RBFOX3: variants seen among roughly 807,000 people sequenced by gnomAD.
RBFOX3 encodes the protein RNA binding fox-1 homolog 3, also known as RNA binding protein fox-1 homolog 3.
RBFOX3 carries 17 observed loss-of-function variants against 48.7 expected under a neutral mutation model. The observed-to-expected ratio is 0.35, with a 90% CI of 0.24 to 0.52. RBFOX3 has a LOEUF of 0.52. Ranked by LOEUF, RBFOX3 falls within the 20% of genes least tolerant of loss-of-function variation. The probability of loss-of-function intolerance (pLI) is 0.94; values close to 1 mark genes in which losing one functional copy is unlikely to be tolerated. For synonymous variants in RBFOX3, 212 were observed against 209.5 expected, an observed-to-expected ratio of 1.01 and a Z score of -0.10; for missense variants, 382 against 497.5, an observed-to-expected ratio of 0.77 and a Z score of 2.21.
At chr17:79,160,780 G>A (rs1446512879) in intron 4 of RBFOX3, among the ~76,000 whole-genome samples, 1 of 152,094 alleles carries the variant, frequency 6.6e-6, no homozygotes, top group Admixed American at 6.5e-5. Flanking sequence ...AGGAGTTCGA[G>A]ACCAGCCTGG....
At chr17:79,512,839 C>T (rs1202946289) in intron 1 of RBFOX3, among the ~76,000 whole-genome samples, 41 of 145,652 alleles carry the variant, frequency 2.8e-4, no homozygotes, top group African/African-American at 7.5e-4. Context: ...GTGTTACCAT[C>T]GGCTACGGCC....
At chr17:79,536,876 G>C (rs2088859221) in intron 1 of RBFOX3, among the ~76,000 whole-genome samples, 1 of 152,284 alleles carries the variant, frequency 6.6e-6, no homozygotes, top group East Asian at 1.9e-4. Context: ...ACAAGGTCAG[G>C]AGATCGAGAC....
At chr17:79,180,359 C>T (rs1302112675) in intron 4 of RBFOX3, among the ~76,000 whole-genome samples, 1 of 152,250 alleles carries the variant, frequency 6.6e-6, no homozygotes, top group Admixed American at 6.5e-5. Context: ...TGTTTAAATG[C>T]TGCATCTTAA....
chr17:79,525,093 C>A (rs1309751894), intron 1 of RBFOX3, among the ~76,000 whole-genome samples: 1 of 152,204 alleles, frequency 6.6e-6, no homozygotes, highest in African/African-American at 2.4e-5. Context: ...CCCAACCTTT[C>A]GGGGTGCCCT....
At chr17:79,559,016 C>G (rs1003638204) in intron 1 of RBFOX3, among the ~76,000 whole-genome samples, 35 of 152,176 alleles carry the variant, frequency 2.3e-4, no homozygotes, top group African/African-American at 7.9e-4. Flanking sequence ...CCTGAGAGTC[C>G]CCACCAGGAG....
Position 79,477,554 on chromosome 17 carries a change from ACCGG to A in RBFOX3, c.-175+4896_-175+4899del, listed in dbSNP as rs1311710073. Reference sequence around the variant, plus strand: ...CTGGGCGACAGAGCGAAACTCCGTCACCGGAAAAAAAAAAAGAGGAGGAGGAGTA... The same window carrying A: ...CTGGGCGACAGAGCGAAACTCCGTCAAAAAAAAAAAAGAGGAGGAGGAGTA... On this transcript the variant is annotated intron_variant, in intron 2 of 14. Coordinates refer to ENST00000693108, the MANE Select transcript of RBFOX3 (RefSeq NM_001350451.2). The surrounding 1 kb of genome is among the most constrained non-coding windows in gnomAD (Gnocchi z 4.8). Among the ~76,000 whole-genome samples, 2 of 141,582 alleles carry A rather than the reference ACCGG, an allele frequency of 1.4e-5. No individual in the cohort carries two copies. The highest frequency in any genetic ancestry group is 3.0e-5 in the Non-Finnish European group (2 of 65,814). The allele number at this position is 141,582 out of a possible 152,430, so 92.9% of individuals were successfully genotyped here. A position where few individuals can be genotyped will look rare whatever the true frequency, so the allele number is the denominator to read the frequency against.
chr17:79,164,713 G>A (rs944320208), intron 4 of RBFOX3, among the ~76,000 whole-genome samples: 1 of 152,178 alleles, frequency 6.6e-6, no homozygotes, highest in Non-Finnish European at 1.5e-5. Flanking sequence ...GGAAGGCCGG[G>A]GGTCCAGGCA....
chr17:79,473,203 T>A lies in RBFOX3; in HGVS notation c.-175+9251A>T, dbSNP rs1258974099. On this transcript the variant is annotated intron_variant, in intron 2 of 14. Coordinates refer to ENST00000693108, the MANE Select transcript of RBFOX3 (RefSeq NM_001350451.2). This position sits in a 1 kb window ranked among gnomAD's most constrained non-coding sequence, Gnocchi z 4.2. Reference sequence around the variant, plus strand: ...CAGCTTCTGTACTCAGTTGCAGGGATCAGGAGCAGCACCTCACGGGCTGGC... The same window carrying A: ...CAGCTTCTGTACTCAGTTGCAGGGAACAGGAGCAGCACCTCACGGGCTGGC... Among the ~76,000 whole-genome samples, 1 of 152,248 alleles carries A rather than the reference T, an allele frequency of 6.6e-6. No homozygotes were observed. The highest frequency in any genetic ancestry group is 1.5e-5 in the Non-Finnish European group (1 of 68,042).
Position 79,364,828 on chromosome 17 carries a change from G to T in RBFOX3, c.-174-57004C>A, listed in dbSNP as rs1400690990. Reference sequence around the variant, plus strand: ...GCCCACGCATGTGGCCTTACCTACAGCCTGGGTTGCTCCCTCAGCTGGAGA... The same window carrying T: ...GCCCACGCATGTGGCCTTACCTACATCCTGGGTTGCTCCCTCAGCTGGAGA... On this transcript the variant is annotated intron_variant, in intron 2 of 14. Transcript: ENST00000693108. This position sits in a 1 kb window ranked among gnomAD's most constrained non-coding sequence, Gnocchi z 5.1. Among the ~76,000 whole-genome samples the T allele has an allele frequency of 3.3e-5, 5 of 152,190 alleles. No homozygotes were observed. The highest frequency in any genetic ancestry group is 1.2e-4 in the African/African-American group (5 of 41,448).
At chr17:79,404,541 C>T (rs11656673) in intron 2 of RBFOX3, among the ~76,000 whole-genome samples, 15,120 of 152,254 alleles carry the variant, frequency 0.099, 947 homozygotes, top group Middle Eastern at 0.17. Flanking sequence ...AGCCAAGAAG[C>T]ACTGGGGGTC....
chr17:79,626,861 T>C, the RBFOX3 span, among the ~76,000 whole-genome samples: 1 of 152,268 alleles, frequency 6.6e-6, no homozygotes, highest in African/African-American at 2.4e-5. Context: ...CTCCAGATGG[T>C]CACTTCTGAG....
intron 1 of RBFOX3, among the ~76,000 whole-genome samples, chr17:79,607,103 G>T (rs954001835): frequency 7.9e-5 from 12 of 152,110 alleles, no homozygotes; most frequent in African/African-American, 2.9e-4. Flanking sequence ...AAAGGGTGGA[G>T]GTACAAACGG....
intron 2 of RBFOX3, among the ~76,000 whole-genome samples, chr17:79,353,671 C>T (rs185543882): frequency 8.5e-5 from 13 of 152,324 alleles, no homozygotes; most frequent in Admixed American, 8.5e-4. Flanking sequence ...CTCCAGAAAG[C>T]TGCGTGTCTT....
chr17:79,542,039 C>CTT (rs34678698), intron 1 of RBFOX3, among the ~76,000 whole-genome samples: 41 of 145,872 alleles, frequency 2.8e-4, no homozygotes, highest in South Asian at 1.8e-3. Flanking sequence ...GAGCGTCGAC[C>CTT]TTTTTTTTTT....
chr17:79,274,581 G>A (rs1306608274), intron 3 of RBFOX3, among the ~76,000 whole-genome samples: 5 of 152,084 alleles, frequency 3.3e-5, no homozygotes, highest in African/African-American at 4.8e-5. Flanking sequence ...GTTCCTGGTC[G>A]TGGGGCTCAG....
chr17:79,453,005 C>T (rs1296448712), intron 2 of RBFOX3, among the ~76,000 whole-genome samples: 11 of 152,276 alleles, frequency 7.2e-5, no homozygotes, highest in South Asian at 4.2e-4. Context: ...TTCATCTCTC[C>T]AGGTCTCGGT....
At chr17:79,137,285 T>C (rs1870624) in intron 4 of RBFOX3, among the ~76,000 whole-genome samples, 108,839 of 151,884 alleles carry the variant, frequency 0.72, 40,116 homozygotes, top group East Asian at 0.96. Context: ...TCACAAGACA[T>C]GCAGTCCCTG....
Position 79,231,996 on chromosome 17 carries a change from A to G in RBFOX3, c.-34+3770T>C, listed in dbSNP as rs142894094. On this transcript the variant is annotated intron_variant, in intron 4 of 14. Coordinates refer to ENST00000693108, the MANE Select transcript of RBFOX3 (RefSeq NM_001350451.2). ...GAAACTTACAATCAGGGCGGAAGACACCTCTTCACAGGGCGGCAGGAGACA... is the reference window on the plus strand; with the variant it reads ...GAAACTTACAATCAGGGCGGAAGACGCCTCTTCACAGGGCGGCAGGAGACA... Among the ~76,000 whole-genome samples, 1,232 of 152,290 alleles carry G rather than the reference A, an allele frequency of 8.1e-3. 36 individuals are homozygous for G. Among genetic ancestry groups the G allele is most frequent in the Admixed American group, 0.052 (796 of 15,290 alleles).
chr17:79,245,852 T>TCTGAGCTCAGGCTATCCA (rs2063099401), intron 3 of RBFOX3, among the ~76,000 whole-genome samples: 1 of 152,024 alleles, frequency 6.6e-6, no homozygotes, highest in African/African-American at 2.4e-5. Flanking sequence ...GTCTCGAACT[T>TCTGAGCTCAGGCTATCCA]CTGAGCTCAG....
Sources: gnomAD v4.1 joint callset for allele counts (sites outside exome capture counted in the v4.1 genomes callset) on GRCh38, gnomAD v4.1.1 for gene constraint, Gnocchi (gnomAD v3.1) non-coding constraint, MANE v1.5 for transcripts, NCBI Gene and HGNC (gene_info 2026-07-23, HGNC 2026-07-21) for gene names.